Variants in DOCK4 observed in about 807,000 individuals in gnomAD.
The protein encoded by DOCK4 is dedicator of cytokinesis 4, also known as dedicator of cytokinesis protein 4.
A neutral mutation model predicts 268.1 loss-of-function variants in DOCK4; 97 were observed. The observed-to-expected ratio is 0.36, with a 90% CI of 0.31 to 0.43. The LOEUF (loss-of-function observed/expected upper bound fraction) is 0.43, where lower values mean the gene tolerates loss of function less well. Ranked by LOEUF, DOCK4 falls within the 20% of genes least tolerant of loss-of-function variation. The pLI is 1.00. For synonymous variants in DOCK4, 954 were observed against 887.2 expected (o/e 1.08, Z -1.34); for missense variants, 2,145 against 2,455.7 (o/e 0.87, Z 2.67).
intron 16 of DOCK4, among the ~76,000 whole-genome samples, chr7:111,892,231 A>G (rs1808344059): frequency 6.6e-6 from 1 of 151,800 alleles, no homozygotes; most frequent in African/African-American, 2.4e-5. Context: ...ACTGAGTTTT[A>G]CTCCTGTTGC....
At chr7:111,730,082 T>A (rs1794973101) in intron 52 of DOCK4, among the ~76,000 whole-genome samples, 1 of 152,164 alleles carries the variant, frequency 6.6e-6, no homozygotes, top group Non-Finnish European at 1.5e-5. Flanking sequence ...CTATGCCACG[T>A]GGGGACTACA....
At chr7:112,168,581 T>A (rs961153768) in intron 1 of DOCK4, among the ~76,000 whole-genome samples, 14 of 152,154 alleles carry the variant, frequency 9.2e-5, no homozygotes, top group Admixed American at 2.6e-4. Flanking sequence ...GGCGCATGCC[T>A]GGGGTCCCAG....
intron 1 of DOCK4, among the ~76,000 whole-genome samples, chr7:112,122,868 C>T (rs748450327): frequency 7.2e-5 from 11 of 152,116 alleles, no homozygotes; most frequent in Non-Finnish European, 1.6e-4. Flanking sequence ...GCCCATATTT[C>T]CCTAATTATG....
intron 15 of DOCK4, 121 bp downstream of exon 15, chr7:111,900,253 G>A: frequency 1.6e-6 from 2 of 1,237,668 alleles, no homozygotes; most frequent in South Asian, 1.6e-5. Flanking sequence ...TTTCTAGAAT[G>A]GAACAAACTG....
In DOCK4 at chr7:111,874,663, C is replaced by A. The variant is rs143409993; in HGVS notation, c.1745-2099G>T. Reference sequence around the variant, plus strand: ...ACAGAAAATACCAATTTCTACATTCCATTCAACAGGCATTTACTAGGTGTA... The same window carrying A: ...ACAGAAAATACCAATTTCTACATTCAATTCAACAGGCATTTACTAGGTGTA... On this transcript the variant is annotated intron_variant, in intron 17 of 52. Transcript: ENST00000428084. Among the ~76,000 whole-genome samples the A allele has an allele frequency of 6.8e-3, 1,039 of 152,236 alleles. 8 individuals are homozygous for A. The highest frequency in any genetic ancestry group is 0.027 in the Middle Eastern group (8 of 294).
intron 9 of DOCK4, among the ~76,000 whole-genome samples, chr7:111,945,242 G>A (rs1795526630): frequency 1.3e-5 from 2 of 152,210 alleles, no homozygotes; most frequent in Non-Finnish European, 2.9e-5. Context: ...CAGGAGTGCA[G>A]TGGTGCGATC....
intron 1 of DOCK4, among the ~76,000 whole-genome samples, chr7:112,116,340 T>C (rs1300336151): frequency 6.6e-6 from 1 of 152,252 alleles, no homozygotes; most frequent in Non-Finnish European, 1.5e-5. Flanking sequence ...TATGTATCAG[T>C]ACTTCATTCC....
At chr7:111,933,542 G>A (rs1478540694) in intron 12 of DOCK4, among the ~76,000 whole-genome samples, 5 of 151,704 alleles carry the variant, frequency 3.3e-5, no homozygotes, top group South Asian at 2.1e-4. Context: ...TGATCCACCC[G>A]CCTTGGCCTC....
At chr7:111,939,707 C>A (rs1371087810) in intron 11 of DOCK4, among the ~76,000 whole-genome samples, 1 of 152,094 alleles carries the variant, frequency 6.6e-6, no homozygotes, top group Non-Finnish European at 1.5e-5. Context: ...GCAGGCCCAG[C>A]AAACTAACAC....
intron 26 of DOCK4, among the ~76,000 whole-genome samples, chr7:111,823,551 C>T (rs553192627): frequency 3.3e-5 from 5 of 152,058 alleles, no homozygotes; most frequent in African/African-American, 9.6e-5. Context: ...GGGTCAAATG[C>T]GCTATAGCAT....
At chr7:112,192,208 C>CA (rs1393947347) in intron 1 of DOCK4, among the ~76,000 whole-genome samples, 1 of 119,790 alleles carries the variant, frequency 8.3e-6, no homozygotes, top group Non-Finnish European at 1.7e-5. Flanking sequence ...GAATCACACA[C>CA]AAAAAAAGAT....
chr7:111,736,808 A>G, intron 50 of DOCK4, 109 bp downstream of exon 50: 2 of 948,220 alleles, frequency 2.1e-6, no homozygotes, highest in East Asian at 2.6e-5. Flanking sequence ...AGTCCTGATC[A>G]TTAAAGAGCT....
intron 1 of DOCK4, among the ~76,000 whole-genome samples, chr7:112,009,966 G>A (rs1209106191): frequency 2.6e-5 from 4 of 152,044 alleles, no homozygotes; most frequent in East Asian, 1.9e-4. Context: ...GAAAGCGTTC[G>A]CCACCACACC....
At chr7:112,128,864 T>A (rs984162464) in intron 1 of DOCK4, among the ~76,000 whole-genome samples, 5 of 152,092 alleles carry the variant, frequency 3.3e-5, no homozygotes, top group African/African-American at 1.2e-4. Context: ...TATTGTCCTA[T>A]GACCCTGCCA....
At chr7:111,968,945 T>G (rs1490602064) in intron 8 of DOCK4, among the ~76,000 whole-genome samples, 1 of 85,728 alleles carries the variant, frequency 1.2e-5, no homozygotes. Context: ...TCATTCTCAG[T>G]AAACTATCGC....
At chr7:112,079,435 C>G (rs1342792495) in intron 1 of DOCK4, among the ~76,000 whole-genome samples, 1 of 152,136 alleles carries the variant, frequency 6.6e-6, no homozygotes, top group African/African-American at 2.4e-5. Context: ...GGCAATATAA[C>G]TTTAGTACCA....
intron 5 of DOCK4, 30 bp from the exon 6 acceptor site, chr7:111,989,193 C>T (rs769336826): frequency 1.9e-6 from 3 of 1,612,346 alleles, no homozygotes; most frequent in Admixed American, 1.7e-5. Flanking sequence ...GGAGATTTGG[C>T]AGTCAGTACC....
At chr7:111,977,029 C>A (rs564330499) in intron 8 of DOCK4, 103 bp downstream of exon 8, 3 of 1,327,182 alleles carry the variant, frequency 2.3e-6, no homozygotes, top group Non-Finnish European at 3.0e-6. Context: ...TTGAAGCTGA[C>A]GGAGTAAAAA....
At chr7:111,888,146 C>T (rs562798940) in intron 16 of DOCK4, among the ~76,000 whole-genome samples, 4 of 151,580 alleles carry the variant, frequency 2.6e-5, no homozygotes, top group African/African-American at 9.7e-5. Context: ...TTGATGGACC[C>T]ACATCTATAC....
Sources: allele counts gnomAD v4.1 joint callset (sites outside exome capture counted in the v4.1 genomes callset), GRCh38; gene constraint gnomAD v4.1.1; transcripts MANE v1.5; gene names NCBI Gene and HGNC (gene_info 2026-07-23, HGNC 2026-07-21).